The following UBAP1L variants were observed in gnomAD, a reference collection of about 807,000 sequenced individuals.
UBAP1L encodes the protein ubiquitin associated protein 1 like, also known as ubiquitin-associated protein 1-like.
In UBAP1L, 32 loss-of-function variants were observed where a neutral mutation model predicts 32.1. That is an observed-to-expected ratio of 1.00 (90% CI 0.75 to 1.34). The LOEUF (loss-of-function observed/expected upper bound fraction) is 1.34. Among genes scored for constraint, UBAP1L ranks in the 40% most tolerant of loss-of-function variants. The pLI is 0.00. For missense variants in UBAP1L, 516 were observed against 540.5 expected, an observed-to-expected ratio of 0.95 and a Z score of 0.45; for synonymous variants, 243 against 250.2, an observed-to-expected ratio of 0.97 and a Z score of 0.27.
chr15:65,105,012 A>T (rs77185792), intron 2 of UBAP1L: 2 of 203,854 alleles, frequency 9.8e-6, no homozygotes, highest in Non-Finnish European at 2.1e-5. Flanking sequence ...TCTCAAATGA[A>T]AAAAAAAAAA....
At position 65,115,185 on chromosome 15, in the gene UBAP1L, G is replaced by C. The variant is rs1055728802; in HGVS notation, c.-209C>G. On this transcript the variant is annotated 5_prime_UTR_variant, in exon 1 of 6. Transcript: ENST00000559089. Reference sequence around the variant, plus strand: ...CCAGGAGAACTTCCCTGCAGACAAAGCGTGTATAAATGAATAGCTACAACA... The same window carrying C: ...CCAGGAGAACTTCCCTGCAGACAAACCGTGTATAAATGAATAGCTACAACA... The C allele has an allele frequency of 1.3e-5, 2 of 152,186 alleles. No individual in the cohort carries two copies. Among genetic ancestry groups the C allele is most frequent in the Non-Finnish European group, 2.9e-5 (2 of 68,032 alleles). The allele number at this position is 152,186 out of a possible 1,614,324, so 9.4% of individuals were successfully genotyped here. A position where few individuals can be genotyped will look rare whatever the true frequency, so the allele number is the denominator to read the frequency against.
At chr15:65,111,757 T>C (rs951394376) in intron 1 of UBAP1L, among the ~76,000 whole-genome samples, 3 of 152,132 alleles carry the variant, frequency 2.0e-5, no homozygotes, top group African/African-American at 7.2e-5. Flanking sequence ...AGTGCTGAGA[T>C]TGCAGGTGTG....
At chr15:65,113,379 C>A (rs1008759865) in intron 1 of UBAP1L, among the ~76,000 whole-genome samples, 2 of 152,184 alleles carry the variant, frequency 1.3e-5, no homozygotes, top group African/African-American at 4.8e-5. Context: ...GTCTCTCAGT[C>A]CCCACAGAAC....
intron 1 of UBAP1L, among the ~76,000 whole-genome samples, chr15:65,110,529 A>C (rs1595924117): frequency 4.0e-5 from 6 of 150,692 alleles, no homozygotes; most frequent in Admixed American, 4.0e-4. Flanking sequence ...AATACAAAAA[A>C]AAAAACATAG....
intron 4 of UBAP1L, chr15:65,099,115 A>T (rs1192193296): frequency 5.4e-6 from 1 of 184,316 alleles, no homozygotes; most frequent in Non-Finnish European, 1.1e-5. Context: ...TTAGAAGAAT[A>T]GAATGTGGGT....
chr15:65,102,741 A>C lies in UBAP1L; in HGVS notation c.121-57T>G. On this transcript the variant is annotated intron_variant, in intron 2 of 5. Coordinates refer to ENST00000559089, the MANE Select transcript of UBAP1L (RefSeq NM_001163692.2). The surrounding 1 kb of genome is among the most constrained non-coding windows in gnomAD (Gnocchi z 5.0). ...CAAACCAGGACCCCGGGGGCACAAC[A>C]CTAACCCCTGGCCTGGGGGACCCTG... The C allele has an allele frequency of 6.8e-7, 1 of 1,474,868 alleles. No homozygotes were observed. Among genetic ancestry groups the C allele is most frequent in the Non-Finnish European group, 9.1e-7 (1 of 1,095,986 alleles). 91.4% of individuals were successfully genotyped at this position (1,474,868 alleles called of 1,614,324 possible). A position where few individuals can be genotyped will look rare whatever the true frequency, so the allele number is the denominator to read the frequency against.
chr15:65,113,982 G>T (rs2087386208), intron 1 of UBAP1L, among the ~76,000 whole-genome samples: 1 of 151,968 alleles, frequency 6.6e-6, no homozygotes, highest in Non-Finnish European at 1.5e-5. Flanking sequence ...TGCCTCCCAG[G>T]TTCAATAGAT....
At chr15:65,113,139 G>C (rs1415270394) in intron 1 of UBAP1L, among the ~76,000 whole-genome samples, 1 of 152,222 alleles carries the variant, frequency 6.6e-6, no homozygotes, top group East Asian at 1.9e-4. Context: ...GGGAGGCAGA[G>C]GTGGGAGGAT....
intron 2 of UBAP1L, chr15:65,104,930 C>A (rs1432282439): frequency 2.4e-6 from 1 of 411,302 alleles, no homozygotes; most frequent in Non-Finnish European, 4.9e-6. Flanking sequence ...TCACTTGAAC[C>A]GAGGAGTCGG....
rs2087137725 is a variant in UBAP1L, at chr15:65,093,206, T to A, written c.1037A>T (p.Glu346Val). ...SQAGEFLRLW[E>V]QFSDMGFQQD... ...CTGGAAGCCCATGTCACTGAACTGC[T>A]CCCAGAGGCGCAGGAACTCCCCTGC... is the stretch of plus-strand genomic sequence containing the variant. Residue 346 changes from glutamate to valine, a missense_variant, in exon 6 of 6, where the codon GAG becomes GTG. Physicochemically the swap from Glu to Val is moderately radical, Grantham distance 121. Transcript: ENST00000559089. 1 of 1,547,784 alleles carries A rather than the reference T, an allele frequency of 6.5e-7. No individual in the cohort carries two copies. Among genetic ancestry groups the A allele is most frequent in the Non-Finnish European group, 8.7e-7 (1 of 1,145,890 alleles).
chr15:65,097,848 C>T (rs1348732812), intron 4 of UBAP1L: 1 of 152,198 alleles, frequency 6.6e-6, no homozygotes, highest in Non-Finnish European at 1.5e-5. Context: ...CACTTCCCTT[C>T]TGCCATTCCC....
chr15:65,101,259 C>A (rs1430512916), intron 3 of UBAP1L: 3 of 152,230 alleles, frequency 2.0e-5, no homozygotes, highest in African/African-American at 7.2e-5. Context: ...TGCTGCCAAT[C>A]CTGACCCACC....
chr15:65,104,361 AAAAAG>A (rs567390875), intron 2 of UBAP1L, among the ~76,000 whole-genome samples: 5 of 152,106 alleles, frequency 3.3e-5, no homozygotes, highest in South Asian at 2.1e-4. Context: ...AAAGAAAAAG[AAAAAG>A]AAAAGCCAGA....
Position 65,102,563 on chromosome 15 carries a change from A to G in UBAP1L, c.242T>C (p.Val81Ala). The G allele has an allele frequency of 6.5e-7, 1 of 1,540,646 alleles. No individual in the cohort carries two copies. The highest frequency in any genetic ancestry group is 8.8e-7 in the Non-Finnish European group (1 of 1,142,808). ...ASAPPAWLLL[V>A]SPEHGLAPAP... is the part of the protein sequence containing the mutation. ...AGGCGCCAGCCCATGTTCGGGGCTG[A>G]CTAGCAAGAGCCAGGCTGGAGGGGC... Residue 81 changes from valine (V) to alanine (A), a missense_variant, in exon 3 of 6, where the codon GTC (valine) becomes GCC (alanine). Coordinates refer to ENST00000559089, the MANE Select transcript of UBAP1L (RefSeq NM_001163692.2). The surrounding 1 kb of genome is among the most constrained non-coding windows in gnomAD (Gnocchi z 5.0).
At chr15:65,105,284 G>A (rs189684091) in intron 2 of UBAP1L, among the ~76,000 whole-genome samples, 4 of 152,050 alleles carry the variant, frequency 2.6e-5, no homozygotes, top group Non-Finnish European at 5.9e-5. Flanking sequence ...AGACCAGCCC[G>A]GGCAACATGG....
intron 1 of UBAP1L, among the ~76,000 whole-genome samples, chr15:65,110,758 C>T (rs2087364580): frequency 6.6e-6 from 1 of 151,966 alleles, no homozygotes; most frequent in African/African-American, 2.4e-5. Flanking sequence ...TCACGACTGC[C>T]TATAATAATA....
intron 2 of UBAP1L, chr15:65,105,644 G>A: frequency 3.0e-6 from 2 of 672,396 alleles, no homozygotes; most frequent in Admixed American, 3.6e-5. Context: ...AGGCCATCAA[G>A]GGTATGCATA....
intron 4 of UBAP1L, chr15:65,096,345 C>T (rs1413033944): frequency 6.6e-6 from 1 of 152,326 alleles, no homozygotes; most frequent in African/African-American, 2.4e-5. Context: ...TATAGCCCTC[C>T]AGGTGATTCT....
chr15:65,109,482 CAAAAAAA>C (rs571155403), intron 1 of UBAP1L, among the ~76,000 whole-genome samples: 52 of 63,162 alleles, frequency 8.2e-4, no homozygotes, highest in African/African-American at 3.6e-3. Context: ...GAATCTGTCT[CAAAAAAA>C]AAAAAAAAAA....
Sources: allele counts gnomAD v4.1 joint callset (sites outside exome capture counted in the v4.1 genomes callset), GRCh38; gene constraint gnomAD v4.1.1; non-coding constraint Gnocchi (gnomAD v3.1); transcripts MANE v1.5; gene names NCBI Gene and HGNC (gene_info 2026-07-23, HGNC 2026-07-21).